The following RHOBTB3 variants were observed in gnomAD, a reference collection of about 807,000 sequenced individuals.
RHOBTB3 encodes Rho related BTB domain containing 3.
Under a neutral mutation model 67.2 loss-of-function variants are expected in RHOBTB3, and 47 were observed. That is an observed-to-expected ratio of 0.70 (90% CI 0.55 to 0.89). RHOBTB3 has a LOEUF of 0.89. RHOBTB3 is among the 40% of genes least tolerant of loss of function. The pLI is 0.00. For missense variants in RHOBTB3, 631 were observed against 750.0 expected (o/e 0.84, Z 1.85); for synonymous variants, 273 against 274.2 (o/e 1.00, Z 0.04).
chr5:95,788,375 A>T (rs1414600994), intron 10 of RHOBTB3, among the ~76,000 whole-genome samples: 1 of 152,208 alleles, frequency 6.6e-6, no homozygotes, highest in Non-Finnish European at 1.5e-5. Context: ...CCTCAGGTGA[A>T]CTTGTTTTAA....
upstream of RHOBTB3, chr5:95,731,045 T>G: frequency 9.7e-6 from 10 of 1,031,512 alleles, no homozygotes; most frequent in Non-Finnish European, 1.3e-5. Context: ...CTGGCTCTGG[T>G]TACGGCCTTG....
intron 8 of RHOBTB3, among the ~76,000 whole-genome samples, chr5:95,777,168 A>G (rs946207691): frequency 3.0e-4 from 45 of 152,214 alleles, no homozygotes; most frequent in African/African-American, 8.2e-4. Flanking sequence ...AGTCTGTCAC[A>G]TGAAGAGTTC....
Position 95,769,876 on chromosome 5 carries a change from A to G in RHOBTB3, c.1282+1710A>G, listed in dbSNP as rs138054743. 20 of 310,984 alleles carry G rather than the reference A, an allele frequency of 6.4e-5. No homozygotes were observed. In the East Asian group the frequency reaches 1.8e-3, roughly 28 times the overall value. 19.3% of individuals were successfully genotyped at this position (310,984 alleles called of 1,614,324 possible). A position where few individuals can be genotyped will look rare whatever the true frequency, so the allele number is the denominator to read the frequency against. On this transcript the variant is annotated intron_variant, in intron 8 of 11. Coordinates refer to ENST00000379982, the MANE Select transcript of RHOBTB3 (RefSeq NM_014899.4). ...GTCATTGCTGAAGATGTTGATGGAGAAGCTCTATGAACCTTCCTTTTGAAT... is the reference window on the plus strand; with the variant it reads ...GTCATTGCTGAAGATGTTGATGGAGGAGCTCTATGAACCTTCCTTTTGAAT...
intron 9 of RHOBTB3, among the ~76,000 whole-genome samples, chr5:95,780,833 G>A (rs562945510): frequency 6.6e-6 from 1 of 152,240 alleles, no homozygotes; most frequent in East Asian, 1.9e-4. Context: ...TGTGACTTCT[G>A]ATTGGGGCAC....
rs749147266 is a variant in RHOBTB3, at chr5:95,763,527, A to G, written c.1068A>G (p.Glu356=). 2.5e-6 allele frequency: 4 copies of G among 1,611,216 alleles called. No individual in the cohort carries two copies. The South Asian group carries it at 4.4e-5, about 18-fold the overall frequency. Residue 356 remains glutamate, a synonymous_variant, in exon 7 of 12, where the codon GAA becomes GAG. Coordinates refer to ENST00000379982, the MANE Select transcript of RHOBTB3 (RefSeq NM_014899.4). ...TTACAGGTGCTTTTCAGTGGGAAGA[A>G]TTGGAAGAAGATATCAGGAAGAAGT... The part of the protein sequence containing the change: ...FIYSGAFQWE[E]LEEDIRKKLK...
At chr5:95,737,927 C>T (rs1185115563) in intron 3 of RHOBTB3, among the ~76,000 whole-genome samples, 1 of 152,170 alleles carries the variant, frequency 6.6e-6, no homozygotes, top group African/African-American at 2.4e-5. Context: ...TCTAACAACA[C>T]AGATTAGTTT....
intron 4 of RHOBTB3, among the ~76,000 whole-genome samples, chr5:95,750,387 G>A (rs777299990): frequency 2.6e-5 from 4 of 152,108 alleles, no homozygotes; most frequent in African/African-American, 7.2e-5. Context: ...CTAGACCTGC[G>A]CTGTCCAGTA....
At chr5:95,755,309 A>C in intron 5 of RHOBTB3, 87 bp from the exon 6 acceptor site, 2 of 953,066 alleles carry the variant, frequency 2.1e-6, no homozygotes, top group Non-Finnish European at 2.9e-6. Context: ...TTAAAATATT[A>C]TACAATTATA....
At chr5:95,779,452 A>T (rs1297646117) in intron 8 of RHOBTB3, among the ~76,000 whole-genome samples, 1 of 152,194 alleles carries the variant, frequency 6.6e-6, no homozygotes, top group African/African-American at 2.4e-5. Flanking sequence ...GGAAGTAGAG[A>T]GCCCTGGCCA....
intron 7 of RHOBTB3, among the ~76,000 whole-genome samples, chr5:95,766,787 C>T (rs3756708): frequency 0.32 from 49,144 of 151,894 alleles, 10,129 homozygotes; most frequent in Admixed American, 0.47. Flanking sequence ...TCCAGCCAGG[C>T]GCGACAGGAC....
intron 8 of RHOBTB3, among the ~76,000 whole-genome samples, chr5:95,776,161 C>T (rs999861882): frequency 2.6e-5 from 4 of 152,122 alleles, no homozygotes; most frequent in Admixed American, 2.6e-4. Context: ...AATCCCAGCA[C>T]TTTTGGAGGC....
At chr5:95,727,941 T>C (rs750007307), upstream of RHOBTB3, among the ~76,000 whole-genome samples, 39 of 152,198 alleles carry the variant, frequency 2.6e-4, no homozygotes, top group Non-Finnish European at 5.4e-4. Context: ...CAAGGACTGG[T>C]TCCACACTGC....
intron 6 of RHOBTB3, among the ~76,000 whole-genome samples, chr5:95,763,093 C>T (rs968087196): frequency 6.6e-6 from 1 of 152,188 alleles, no homozygotes; most frequent in Non-Finnish European, 1.5e-5. Context: ...CTGCATGTTC[C>T]TCTACCTGAT....
chr5:95,760,435 G>A (rs1745365087), intron 6 of RHOBTB3, among the ~76,000 whole-genome samples: 1 of 152,104 alleles, frequency 6.6e-6, no homozygotes, highest in Non-Finnish European at 1.5e-5. Context: ...ATTTAGCTTT[G>A]AGCTCTTCCT....
chr5:95,739,245 T>TA (rs1186691433), intron 3 of RHOBTB3, among the ~76,000 whole-genome samples: 2 of 152,234 alleles, frequency 1.3e-5, no homozygotes, highest in Non-Finnish European at 2.9e-5. Flanking sequence ...ATCCAGTTGA[T>TA]TAAGAAGCCC....
At chr5:95,772,024 C>T (rs1258054905) in intron 8 of RHOBTB3, among the ~76,000 whole-genome samples, 2 of 152,124 alleles carry the variant, frequency 1.3e-5, no homozygotes, top group East Asian at 3.8e-4. Context: ...GAGAATGATG[C>T]CGCTGGAGAT....
intron 2 of RHOBTB3, among the ~76,000 whole-genome samples, chr5:95,735,776 A>G (rs761304043): frequency 2.6e-5 from 4 of 152,222 alleles, no homozygotes; most frequent in Non-Finnish European, 4.4e-5. Context: ...TTACATCACT[A>G]TTCATACAGA....
chr5:95,776,624 AACTGATATACT>A (rs1200203523), intron 8 of RHOBTB3, among the ~76,000 whole-genome samples: 2 of 152,170 alleles, frequency 1.3e-5, no homozygotes, highest in African/African-American at 4.8e-5. Context: ...TTTAGACCAG[AACTGATATACT>A]GAGGCACCTT....
rs1186561236 is a variant in RHOBTB3 at position 95,736,932 on chromosome 5, G to C, written c.272G>C (p.Gly91Ala). 6.2e-7 allele frequency: 1 copy of C among 1,611,478 alleles called. No individual in the cohort carries two copies. The highest frequency in any genetic ancestry group is 1.7e-5 in the Admixed American group (1 of 59,328). The change falls in exon 3 of 12, where the codon GGG (glycine) becomes GCG (alanine). Residue 91 changes from glycine (G) to alanine (A), a missense_variant. Transcript: ENST00000379982. ...TGGTACACTTCTCGAAATCTAATTG[G>C]GGGCGCTGACATCATTGTGATCAAA... ...SDWYTSRNLI[G>A]GADIIVIKYN...
Sources: gnomAD v4.1 joint callset for allele counts (sites outside exome capture counted in the v4.1 genomes callset) on GRCh38, gnomAD v4.1.1 for gene constraint, MANE v1.5 for transcripts, NCBI Gene and HGNC (gene_info 2026-07-23, HGNC 2026-07-21) for gene names.